HS3ST2: variants seen among roughly 807,000 people sequenced by gnomAD.
HS3ST2 encodes heparan sulfate-glucosamine 3-sulfotransferase 2.
Under a neutral mutation model 26.3 loss-of-function variants are expected in HS3ST2, and 17 were observed. The observed-to-expected ratio is 0.65, with a 90% CI of 0.44 to 0.97. The LOEUF is 0.97. HS3ST2 is among the 50% of genes least tolerant of loss of function. HS3ST2 has a pLI of 0.00. For missense variants in HS3ST2, 402 were observed against 501.2 expected (o/e 0.80, Z 1.89); for synonymous variants, 237 against 219.2 (o/e 1.08, Z -0.72).
intron 1 of HS3ST2, among the ~76,000 whole-genome samples, chr16:22,827,098 G>A (rs1054326890): frequency 2.6e-5 from 4 of 152,132 alleles, no homozygotes; most frequent in African/African-American, 9.7e-5. Context: ...ATGATCTGAA[G>A]GAGGTGAGGA....
intron 1 of HS3ST2, among the ~76,000 whole-genome samples, chr16:22,828,781 G>A (rs1211448688): frequency 8.5e-5 from 13 of 152,206 alleles, no homozygotes; most frequent in Non-Finnish European, 1.8e-4. Context: ...TTAAGTCATT[G>A]CAAAGCTCTG....
At chr16:22,885,673 C>A (rs986420871) in intron 1 of HS3ST2, among the ~76,000 whole-genome samples, 5 of 152,124 alleles carry the variant, frequency 3.3e-5, no homozygotes, top group Non-Finnish European at 7.4e-5. Flanking sequence ...CCAGGCTGGT[C>A]TCAAACTCCT....
rs114198876 is a variant in HS3ST2 at position 22,826,955 on chromosome 16, T to C, written c.485+11860T>C. On this transcript the variant is annotated intron_variant, in intron 1 of 1. Coordinates refer to ENST00000261374, the MANE Select transcript of HS3ST2 (RefSeq NM_006043.2). Reference sequence around the variant, plus strand: ...TCAATAAATAAGTAAGTCAAACATATCTATGTCAGATGGTGGTAAGTGCCA... The same window carrying C: ...TCAATAAATAAGTAAGTCAAACATACCTATGTCAGATGGTGGTAAGTGCCA... Among the ~76,000 whole-genome samples, 657 of 152,240 alleles carry C rather than the reference T, an allele frequency of 4.3e-3. 7 individuals carry two copies. Among genetic ancestry groups the C allele is most frequent in the African/African-American group, 0.015 (622 of 41,542 alleles).
intron 1 of HS3ST2, among the ~76,000 whole-genome samples, chr16:22,842,525 C>T (rs982984685): frequency 4.6e-4 from 70 of 152,216 alleles, no homozygotes; most frequent in African/African-American, 1.7e-3. Flanking sequence ...CTTTGACCCA[C>T]ATCTCCCCAC....
intron 1 of HS3ST2, among the ~76,000 whole-genome samples, chr16:22,843,906 AAGAAAC>A (rs138648004): frequency 0.12 from 17,520 of 152,140 alleles, 1,206 homozygotes; most frequent in South Asian, 0.22. Context: ...AAAGGAAGGC[AAGAAAC>A]AGACAGTTTC....
At chr16:22,913,223 G>A (rs868721898) in intron 1 of HS3ST2, among the ~76,000 whole-genome samples, 83 of 150,764 alleles carry the variant, frequency 5.5e-4, no homozygotes, top group African/African-American at 1.7e-3. Context: ...GTTCTAACGC[G>A]CAGCCAGGAT....
intron 1 of HS3ST2, among the ~76,000 whole-genome samples, chr16:22,862,671 G>T (rs1017689243): frequency 6.6e-6 from 1 of 152,162 alleles, no homozygotes; most frequent in African/African-American, 2.4e-5. Flanking sequence ...GCCAGTCCGG[G>T]ACATGTCTAT....
intron 1 of HS3ST2, among the ~76,000 whole-genome samples, chr16:22,895,881 G>A (rs1462543689): frequency 3.3e-5 from 5 of 151,946 alleles, no homozygotes; most frequent in Non-Finnish European, 7.4e-5. Flanking sequence ...AAAGAGACTT[G>A]TGTAGTTTTT....
At chr16:22,889,233 G>C (rs1902101262) in intron 1 of HS3ST2, among the ~76,000 whole-genome samples, 1 of 152,198 alleles carries the variant, frequency 6.6e-6, no homozygotes, top group African/African-American at 2.4e-5. Context: ...AACAATGAAA[G>C]CTTCAGACTC....
intron 1 of HS3ST2, among the ~76,000 whole-genome samples, chr16:22,821,979 G>T (rs766608662): frequency 6.6e-6 from 1 of 152,086 alleles, no homozygotes; most frequent in Non-Finnish European, 1.5e-5. Flanking sequence ...GCTGACAATG[G>T]CTCCACCTCA....
chr16:22,864,743 G>T (rs932511461), intron 1 of HS3ST2, among the ~76,000 whole-genome samples: 2 of 151,968 alleles, frequency 1.3e-5, no homozygotes, highest in Non-Finnish European at 2.9e-5. Context: ...GTTTTAAAAA[G>T]ACAAAATAGT....
At chr16:22,842,938 T>C (rs1219745584) in intron 1 of HS3ST2, among the ~76,000 whole-genome samples, 2 of 152,232 alleles carry the variant, frequency 1.3e-5, no homozygotes, top group African/African-American at 2.4e-5. Context: ...TGCTCTTCTT[T>C]CATTAGTGTT....
intron 1 of HS3ST2, among the ~76,000 whole-genome samples, chr16:22,880,960 T>C (rs371812524): frequency 4.2e-4 from 64 of 152,336 alleles, no homozygotes; most frequent in African/African-American, 1.5e-3. Flanking sequence ...CTGTTAGATC[T>C]GGATGGGCTT....
At chr16:22,882,761 G>C (rs903486108) in intron 1 of HS3ST2, among the ~76,000 whole-genome samples, 2 of 149,362 alleles carry the variant, frequency 1.3e-5, no homozygotes, top group Admixed American at 1.3e-4. Flanking sequence ...GGCTGGGCAG[G>C]GTGGCTCATG....
chr16:22,865,746 A>G (rs1310237013), intron 1 of HS3ST2, among the ~76,000 whole-genome samples: 1 of 152,208 alleles, frequency 6.6e-6, no homozygotes, highest in Non-Finnish European at 1.5e-5. Flanking sequence ...TGAATAATAT[A>G]GGAGGAAATA....
chr16:22,848,647 T>C (rs561735771), intron 1 of HS3ST2, among the ~76,000 whole-genome samples: 80 of 152,338 alleles, frequency 5.3e-4, no homozygotes, highest in African/African-American at 1.9e-3. Flanking sequence ...GCTCTGTTTC[T>C]CTGCATTCAG....
At chr16:22,828,831 T>A (rs1901128337) in intron 1 of HS3ST2, among the ~76,000 whole-genome samples, 1 of 152,222 alleles carries the variant, frequency 6.6e-6, no homozygotes, top group Non-Finnish European at 1.5e-5. Context: ...TTTCCTGTAT[T>A]TTCTCTAGCA....
At chr16:22,825,639 T>C (rs138661690) in intron 1 of HS3ST2, among the ~76,000 whole-genome samples, 1 of 152,126 alleles carries the variant, frequency 6.6e-6, no homozygotes, top group African/African-American at 2.4e-5. Flanking sequence ...ATGTTTTTGG[T>C]TGGGGGCTAA....
At chr16:22,822,228 C>G (rs1901004467) in intron 1 of HS3ST2, among the ~76,000 whole-genome samples, 1 of 152,102 alleles carries the variant, frequency 6.6e-6, no homozygotes, top group African/African-American at 2.4e-5. Flanking sequence ...TGCAGTGGCA[C>G]AGTCAAGGCT....
Sources: gnomAD v4.1 joint callset for allele counts (sites outside exome capture counted in the v4.1 genomes callset) on GRCh38, gnomAD v4.1.1 for gene constraint, MANE v1.5 for transcripts, NCBI Gene and HGNC (gene_info 2026-07-23, HGNC 2026-07-21) for gene names.